Variants in NKD1 observed in about 807,000 individuals in gnomAD.
The protein encoded by NKD1 is NKD inhibitor of Wnt signaling pathway 1, also known as protein naked cuticle homolog 1.
Under a neutral mutation model 56.0 loss-of-function variants are expected in NKD1, and 21 were observed. That is an observed-to-expected ratio of 0.38 (90% confidence interval 0.27 to 0.54). The LOEUF (loss-of-function observed/expected upper bound fraction) is 0.54. Among genes scored for constraint, NKD1 ranks in the 20% least tolerant of loss-of-function variants. NKD1 has a pLI of 0.82. For missense variants in NKD1, 578 were observed against 642.7 expected (o/e 0.90, Z 1.09); for synonymous variants, 263 against 265.7 (o/e 0.99, Z 0.10).
intron 4 of NKD1, among the ~76,000 whole-genome samples, chr16:50,617,178 C>G (rs1473180020): frequency 1.3e-5 from 2 of 152,140 alleles, no homozygotes; most frequent in Middle Eastern, 3.2e-3. Context: ...CCCCAAGGAG[C>G]CTCCCATTGG....
Position 50,644,644 on chromosome 16 carries a change from G to T in NKD1, c.*10863G>T, listed in dbSNP as rs1962642154. 1 of 152,218 alleles carries T rather than the reference G, an allele frequency of 6.6e-6. No individual in the cohort carries two copies. Among genetic ancestry groups the T allele is most frequent in the East Asian group, 1.9e-4 (1 of 5,200 alleles). The allele number at this position is 152,218 out of a possible 1,614,324, so 9.4% of individuals were successfully genotyped here. On this transcript the variant is annotated 3_prime_UTR_variant, in exon 10 of 10. Coordinates refer to ENST00000268459, the MANE Select transcript of NKD1 (RefSeq NM_033119.5). ...ACATCTAGGTACTGGGGCCCAGGGT[G>T]ACTCTGAGTGGCTCAAGTCCCCTGG...
chr16:50,620,641 G>A (rs565819411), intron 4 of NKD1, among the ~76,000 whole-genome samples: 9 of 152,280 alleles, frequency 5.9e-5, no homozygotes, highest in African/African-American at 1.7e-4. Flanking sequence ...AGATGTCTCC[G>A]GCAAACCCCA....
chr16:50,590,262 A>G lies in NKD1; in HGVS notation c.193-18032A>G, dbSNP rs534410482. Among the ~76,000 whole-genome samples the G allele has an allele frequency of 6.2e-4, 94 of 152,284 alleles. 1 individual carries two copies. Among genetic ancestry groups the G allele is most frequent in the African/African-American group, 2.2e-3 (91 of 41,558 alleles). On this transcript the variant is annotated intron_variant, in intron 3 of 9. Transcript: ENST00000268459. Reference sequence around the variant, plus strand: ...CTTGGGCTTAACCTCATCTCCCCATACTGATACTTTTGTGTTTGTTCAAAT... The same window carrying G: ...CTTGGGCTTAACCTCATCTCCCCATGCTGATACTTTTGTGTTTGTTCAAAT...
intron 3 of NKD1, among the ~76,000 whole-genome samples, chr16:50,581,237 A>G (rs1024864729): frequency 8.5e-5 from 13 of 152,218 alleles, no homozygotes; most frequent in African/African-American, 3.1e-4. Flanking sequence ...TCTTTGCAAA[A>G]TTAGTGTTGT....
chr16:50,609,875 T>C (rs1961804387), intron 4 of NKD1, among the ~76,000 whole-genome samples: 1 of 152,216 alleles, frequency 6.6e-6, no homozygotes, highest in South Asian at 2.1e-4. Flanking sequence ...TCTGGTATCT[T>C]TTATGTGAAA....
At chr16:50,606,031 G>C (rs1415770277) in intron 3 of NKD1, 1 of 152,072 alleles carries the variant, frequency 6.6e-6, no homozygotes, top group Non-Finnish European at 1.5e-5. Flanking sequence ...ACAGACCCTG[G>C]GCCGTGTGGC....
intron 3 of NKD1, among the ~76,000 whole-genome samples, chr16:50,568,089 C>T (rs1459565280): frequency 2.0e-5 from 3 of 152,218 alleles, no homozygotes; most frequent in South Asian, 2.1e-4. Flanking sequence ...CCAGAAAGCC[C>T]GCTTCTTGGA....
chr16:50,549,436 G>T lies in NKD1; in HGVS notation c.73G>T (p.Val25Leu). The change falls in exon 3 of 10, where the codon GTG becomes TTG. Residue 25 changes from valine to leucine, a missense_variant. Coordinates refer to ENST00000268459, the MANE Select transcript of NKD1 (RefSeq NM_033119.5). The part of the protein sequence containing the change: ...RESPEGDSFA[V>L]SAAWARKGIE... ...CCCCGTCCCAGGTGACAGCTTCGCC[G>T]TGAGCGCTGCCTGGGCTCGGAAGGG... The T allele has an allele frequency of 1.2e-6, 2 of 1,611,128 alleles. No individual in the cohort carries two copies. Among genetic ancestry groups the T allele is most frequent in the Non-Finnish European group, 8.5e-7 (1 of 1,178,808 alleles).
intron 3 of NKD1, among the ~76,000 whole-genome samples, chr16:50,567,069 C>T (rs1179622214): frequency 6.6e-6 from 1 of 151,244 alleles, no homozygotes; most frequent in African/African-American, 2.4e-5. Flanking sequence ...ATGTGATCTC[C>T]CAATTTGAGG....
chr16:50,601,861 C>T (rs1183194297), intron 3 of NKD1, among the ~76,000 whole-genome samples: 1 of 152,144 alleles, frequency 6.6e-6, no homozygotes, highest in Non-Finnish European at 1.5e-5. Context: ...ATGTTGAGGC[C>T]TGGGTTCTGA....
chr16:50,584,046 T>C (rs1031830152), intron 3 of NKD1, among the ~76,000 whole-genome samples: 3 of 152,350 alleles, frequency 2.0e-5, no homozygotes, highest in Middle Eastern at 3.4e-3. Flanking sequence ...CAAACCACCC[T>C]AAGACTTAGT....
chr16:50,643,653 T>G lies in NKD1; in HGVS notation c.*9872T>G, dbSNP rs1277795137. ...CCTCTGACACTGAGTTAGCGCATAC[T>G]GAACTACTGATCCTAGGGGAAATAC... is the stretch of plus-strand genomic sequence containing the variant. On this transcript the variant is annotated 3_prime_UTR_variant, in exon 10 of 10. Coordinates refer to ENST00000268459, the MANE Select transcript of NKD1 (RefSeq NM_033119.5). The G allele has an allele frequency of 6.6e-6, 1 of 152,272 alleles. No homozygotes were observed. Among genetic ancestry groups the G allele is most frequent in the Non-Finnish European group, 1.5e-5 (1 of 68,056 alleles). The allele number at this position is 152,272 out of a possible 1,614,324, so 9.4% of individuals were successfully genotyped here.
intron 3 of NKD1, among the ~76,000 whole-genome samples, chr16:50,593,697 A>G (rs1961417163): frequency 6.6e-6 from 1 of 152,060 alleles, no homozygotes; most frequent in Non-Finnish European, 1.5e-5. Context: ...ATGGAGGGGC[A>G]GGGTTTCCAG....
chr16:50,571,601 A>G, intron 3 of NKD1: 1 of 848,150 alleles, frequency 1.2e-6, no homozygotes, highest in South Asian at 5.4e-5. Context: ...CTGGGGGGTC[A>G]TTCCTAACTC....
intron 3 of NKD1, among the ~76,000 whole-genome samples, chr16:50,560,337 T>C (rs1313861662): frequency 6.6e-6 from 1 of 152,212 alleles, no homozygotes; most frequent in Non-Finnish European, 1.5e-5. Flanking sequence ...GTGCTGAGTC[T>C]GGGAGCTGCA....
chr16:50,641,740 TAGAC>T lies in NKD1; in HGVS notation c.*7962_*7965del, dbSNP rs1262366484. On this transcript the variant is annotated 3_prime_UTR_variant, in exon 10 of 10. Transcript: ENST00000268459. ...TAAAAACCTGTTCAGGGCAGAGCGT[TAGAC>T]AGGAGGATGGCTAAGGGAGCAGCTT... 2.6e-5 allele frequency: 4 copies of T among 152,310 alleles called. No homozygotes were observed. Among genetic ancestry groups the T allele is most frequent in the Admixed American group, 1.3e-4 (2 of 15,282 alleles). 9.4% of individuals were successfully genotyped at this position (152,310 alleles called of 1,614,324 possible).
rs185399059 is a variant in NKD1 at position 50,598,593 on chromosome 16, C to T, written c.193-9701C>T. On this transcript the variant is annotated intron_variant, in intron 3 of 9. Transcript: ENST00000268459. The surrounding 1 kb of genome is among the most constrained non-coding windows in gnomAD (Gnocchi z 4.2). ...GCAGGTCACACGTGCTAGACCCTGG[C>T]AGCAGACCGGGGGCCTGTCCCAGGG... Among the ~76,000 whole-genome samples, 39 of 152,302 alleles carry T rather than the reference C, an allele frequency of 2.6e-4. No homozygotes were observed. Among genetic ancestry groups the T allele is most frequent in the Non-Finnish European group, 5.4e-4 (37 of 68,018 alleles).
At chr16:50,563,905 G>T (rs1960699870) in intron 3 of NKD1, among the ~76,000 whole-genome samples, 1 of 145,858 alleles carries the variant, frequency 6.9e-6, no homozygotes, top group Non-Finnish European at 1.5e-5. Context: ...CACAGCCCTG[G>T]ATGCATGGAG....
chr16:50,630,824 A>T lies in NKD1; in HGVS notation c.611-2A>T, dbSNP rs1255334420. On this transcript the variant is annotated splice_acceptor_variant, in intron 7 of 9. Transcript: ENST00000268459. LOFTEE classifies it high-confidence loss of function. ...CTCCTGTGCTTCTCGGGCCGGACTC[A>T]GACCTGCAGAGCGCAAGGCCCCGAG... is the stretch of plus-strand genomic sequence containing the variant. The T allele has an allele frequency of 1.3e-6, 2 of 1,595,752 alleles. No individual in the cohort carries two copies. The highest frequency in any genetic ancestry group is 1.7e-6 in the Non-Finnish European group (2 of 1,171,832).
Sources: gnomAD v4.1 joint callset for allele counts (sites outside exome capture counted in the v4.1 genomes callset) on GRCh38, gnomAD v4.1.1 for gene constraint, Gnocchi (gnomAD v3.1) non-coding constraint, MANE v1.5 for transcripts, NCBI Gene and HGNC (gene_info 2026-07-23, HGNC 2026-07-21) for gene names.